The following NEK4 variants were observed in gnomAD, a reference collection of about 807,000 sequenced individuals.
NEK4 encodes the protein NIMA related kinase 4, also known as serine/threonine-protein kinase Nek4.
Under a neutral mutation model 98.4 loss-of-function variants are expected in NEK4, and 86 were observed. That is an observed-to-expected ratio of 0.87 (90% CI 0.73 to 1.05). The LOEUF is 1.05. Ranked by LOEUF, NEK4 falls within the 50% of genes least tolerant of loss-of-function variation. The pLI, the probability that NEK4 is intolerant of heterozygous loss-of-function variation, is 0.00. For missense variants in NEK4, 898 were observed against 950.3 expected, an observed-to-expected ratio of 0.94 and a Z score of 0.72; for synonymous variants, 328 against 342.2, an observed-to-expected ratio of 0.96 and a Z score of 0.46.
chr3:52,715,195 G>A (rs2097354047), intron 15 of NEK4, among the ~76,000 whole-genome samples: 1 of 152,192 alleles, frequency 6.6e-6, no homozygotes, highest in South Asian at 2.1e-4. Flanking sequence ...AAATCAGCAG[G>A]TACTTCCTGC....
chr3:52,726,204 G>GT (rs2097364415), intron 15 of NEK4, among the ~76,000 whole-genome samples: 1 of 152,156 alleles, frequency 6.6e-6, no homozygotes, highest in South Asian at 2.1e-4. Flanking sequence ...TTGATGGTTT[G>GT]TTTTTAGGTG....
chr3:52,749,882 G>C (rs1462641529), intron 7 of NEK4, 53 bp from the exon 8 acceptor site: 1 of 155,984 alleles, frequency 6.4e-6, no homozygotes, highest in Non-Finnish European at 1.4e-5. Context: ...TTGGTCATTA[G>C]GGAGATGCAA....
rs1698752083 is a variant in NEK4, at chr3:52,770,740, G to A, written c.7C>T (p.Leu3=). The A allele has an allele frequency of 6.4e-7, 1 of 1,566,978 alleles. No individual in the cohort carries two copies. Among genetic ancestry groups the A allele is most frequent in the Non-Finnish European group, 8.6e-7 (1 of 1,157,042 alleles). MP[L]AAYCYLRVVG... is the part of the protein sequence containing the mutation. The stretch of plus-strand genomic sequence containing the variant: ...ACCCGCAGGTAGCAGTAGGCGGCCA[G>A]GGGCATGTTCCCAGCGCTGGCCCAG... The change falls in exon 1 of 16, where the codon CTG becomes TTG. Residue 3 remains leucine, a synonymous_variant. Coordinates refer to ENST00000233027, the MANE Select transcript of NEK4 (RefSeq NM_003157.6).
intron 3 of NEK4, 37 bp from the exon 4 acceptor site, chr3:52,766,031 A>AT (rs1559451558): frequency 6.7e-7 from 1 of 1,484,474 alleles, no homozygotes; most frequent in Non-Finnish European, 9.3e-7. Context: ...AAATGTCAGA[A>AT]TAGCTTATTT....
intron 15 of NEK4, among the ~76,000 whole-genome samples, chr3:52,724,295 T>C (rs1226007274): frequency 3.5e-5 from 5 of 144,286 alleles, no homozygotes; most frequent in Non-Finnish European, 6.0e-5. Context: ...AAAGAGAGAA[T>C]CCTGAAAACA....
chr3:52,723,507 G>T (rs1197206061), intron 15 of NEK4, among the ~76,000 whole-genome samples: 1 of 152,222 alleles, frequency 6.6e-6, no homozygotes, highest in African/African-American at 2.4e-5. Context: ...CTCCCAAAGT[G>T]CTGGGATTAC....
rs1466592648 is a variant in NEK4, at chr3:52,729,686, C to T, written c.2433+7900G>A. Among the ~76,000 whole-genome samples the T allele has an allele frequency of 6.8e-5, 9 of 132,594 alleles. No homozygotes were observed. The South Asian group carries it at 7.7e-4, about 11-fold the overall frequency. The allele number at this position is 132,594 out of a possible 152,430, so 87.0% of individuals were successfully genotyped here. A position where few individuals can be genotyped will look rare whatever the true frequency, so the allele number is the denominator to read the frequency against. ...TCATGCCACTGCACTCTAGCCTGGG[C>T]GGCTGAGCAAGACTCTGTGTCTCAA... On this transcript the variant is annotated intron_variant, in intron 15 of 15. Coordinates refer to ENST00000233027, the MANE Select transcript of NEK4 (RefSeq NM_003157.6).
intron 15 of NEK4, chr3:52,733,146 T>A (rs2097371552): frequency 5.4e-6 from 1 of 183,914 alleles, no homozygotes; most frequent in East Asian, 1.8e-4. Flanking sequence ...TTTTAGAGTG[T>A]CTGCAAGTCT....
intron 6 of NEK4, chr3:52,753,830 T>C (rs1359895438): frequency 2.3e-6 from 1 of 429,196 alleles, no homozygotes. Flanking sequence ...TCCCTCTGTA[T>C]TAAAGTGGTT....
chr3:52,752,931 T>TACACACACACAC (rs1193888628), intron 6 of NEK4, among the ~76,000 whole-genome samples: 1 of 56,158 alleles, frequency 1.8e-5, no homozygotes, highest in South Asian at 3.9e-4. Flanking sequence ...TATATATATA[T>TACACACACACAC]ATACACACAC....
In NEK4 at chr3:52,744,295, A is replaced by G. The variant is rs776285364; in HGVS notation, c.1838T>C (p.Leu613Ser). 141 of 1,613,384 alleles carry G rather than the reference A, an allele frequency of 8.7e-5. No homozygotes were observed. Among genetic ancestry groups the G allele is most frequent in the Middle Eastern group, 4.9e-4 (3 of 6,062 alleles). Residue 613 changes from leucine to serine, a missense_variant, in exon 11 of 16, where the codon TTA becomes TCA. Coordinates refer to ENST00000233027, the MANE Select transcript of NEK4 (RefSeq NM_003157.6). ...TAGTCGCCTCCTCTCTCTGGCTGAT[A>G]ATGGTCGATCCTTTAAAAGAAAGTC... is the stretch of plus-strand genomic sequence containing the variant. ...SEMSSSKDRPLSARERRRLKQ... is the reference protein window; with the variant it reads ...SEMSSSKDRPSSARERRRLKQ...
At chr3:52,758,409 T>C (rs1698217135) in intron 6 of NEK4, among the ~76,000 whole-genome samples, 1 of 152,018 alleles carries the variant, frequency 6.6e-6, no homozygotes. Context: ...TTACATTATG[T>C]GTACTTTATC....
At chr3:52,766,397 T>C (rs748260366) in intron 2 of NEK4, 22 bp from the exon 3 acceptor site, 3 of 1,531,914 alleles carry the variant, frequency 2.0e-6, no homozygotes, top group Non-Finnish European at 2.7e-6. Context: ...AACAAGATTT[T>C]ATTACATATA....
intron 12 of NEK4, 166 bp downstream of exon 12, chr3:52,743,186 A>G (rs532247539): frequency 6.5e-6 from 4 of 612,808 alleles, no homozygotes; most frequent in African/African-American, 5.5e-5. Context: ...GTCAATCATA[A>G]TCCTTTTGAC....
At chr3:52,761,101 C>CAGTA (rs1431869620) in intron 5 of NEK4, among the ~76,000 whole-genome samples, 165 bp from the exon 6 acceptor site, 1 of 152,048 alleles carries the variant, frequency 6.6e-6, no homozygotes, top group Non-Finnish European at 1.5e-5. Context: ...AACACCTCAC[C>CAGTA]AGTAGTCTTT....
intron 1 of NEK4, among the ~76,000 whole-genome samples, chr3:52,770,238 G>A (rs1483996521): frequency 1.3e-5 from 2 of 151,912 alleles, no homozygotes; most frequent in African/African-American, 4.8e-5. Context: ...GAGACGTTTG[G>A]GGCCCTTCAT....
chr3:52,731,075 T>C (rs895208276), intron 15 of NEK4, among the ~76,000 whole-genome samples: 10 of 152,166 alleles, frequency 6.6e-5, no homozygotes, highest in Admixed American at 2.6e-4. Context: ...AAAATGTATA[T>C]ATTGTTGAGC....
chr3:52,738,130 T>C (rs907666728), intron 14 of NEK4, among the ~76,000 whole-genome samples: 2 of 151,596 alleles, frequency 1.3e-5, no homozygotes, highest in Non-Finnish European at 2.9e-5. Flanking sequence ...TTTTTTTAAG[T>C]GACAGGGTCT....
chr3:52,754,332 T>C, intron 6 of NEK4: 3 of 376,588 alleles, frequency 8.0e-6, no homozygotes, highest in Non-Finnish European at 1.6e-5. Flanking sequence ...GGTGGAATCA[T>C]AACCAAATTT....
Sources: gnomAD v4.1 joint callset for allele counts (sites outside exome capture counted in the v4.1 genomes callset) on GRCh38, gnomAD v4.1.1 for gene constraint, MANE v1.5 for transcripts, NCBI Gene and HGNC (gene_info 2026-07-23, HGNC 2026-07-21) for gene names.